ZNF341: variants seen among roughly 807,000 people sequenced by gnomAD.
ZNF341 encodes the protein zinc finger protein 341.
Under a neutral mutation model 87.7 loss-of-function variants are expected in ZNF341, and 52 were observed. The observed-to-expected ratio is 0.59, with a 90% CI of 0.47 to 0.75. The LOEUF (loss-of-function observed/expected upper bound fraction) is 0.75, where lower values mean the gene tolerates loss of function less well. ZNF341 is among the 30% of genes least tolerant of loss of function. ZNF341 has a pLI of 0.00. For missense variants in ZNF341, 977 were observed against 1,145.9 expected (o/e 0.85, Z 2.13); for synonymous variants, 459 against 472.7 (o/e 0.97, Z 0.38).
rs761836057 is a variant in ZNF341, at chr20:33,766,846, C to T, written c.1223-5C>T. On this transcript the variant is annotated splice_polypyrimidine_tract_variant and splice_region_variant and intron_variant, in intron 8 of 14. Transcript: ENST00000375200. ...TTGTCCTGACTTCCCTGGCTTTCTC[C>T]ACAGGGTTGGGCCAGCCCCTGCCGG... 12 of 1,599,942 alleles carry T rather than the reference C, an allele frequency of 7.5e-6. No homozygotes were observed. The highest frequency in any genetic ancestry group is 9.4e-6 in the Non-Finnish European group (11 of 1,171,938).
chr20:33,745,886 A>C (rs984863503), intron 3 of ZNF341, among the ~76,000 whole-genome samples: 2 of 148,926 alleles, frequency 1.3e-5, no homozygotes, highest in Admixed American at 1.3e-4. Flanking sequence ...AGGTGCTAGG[A>C]GAGGCAGCAG....
chr20:33,777,064 A>G (rs2019641300), intron 10 of ZNF341, among the ~76,000 whole-genome samples: 1 of 150,800 alleles, frequency 6.6e-6, no homozygotes, highest in Admixed American at 6.7e-5. Context: ...CTGTAATCCC[A>G]GCACTTTGGG....
At chr20:33,777,354 G>C (rs1325473114) in intron 10 of ZNF341, among the ~76,000 whole-genome samples, 2 of 143,960 alleles carry the variant, frequency 1.4e-5, no homozygotes, top group Non-Finnish European at 3.0e-5. Flanking sequence ...AAAAAATCAG[G>C]CCAGGTGCGG....
At chr20:33,737,257 T>C (rs1022507729) in intron 1 of ZNF341, among the ~76,000 whole-genome samples, 5 of 152,252 alleles carry the variant, frequency 3.3e-5, no homozygotes, top group Non-Finnish European at 5.9e-5. Context: ...AATTGTGTTA[T>C]TACTCAAATC....
At chr20:33,748,713 T>A (rs764590514) in intron 3 of ZNF341, among the ~76,000 whole-genome samples, 8 of 151,922 alleles carry the variant, frequency 5.3e-5, no homozygotes, top group Non-Finnish European at 1.0e-4. Flanking sequence ...CACAGAGAGG[T>A]AGAGTGACTT....
At chr20:33,747,983 C>G (rs905403744) in intron 3 of ZNF341, among the ~76,000 whole-genome samples, 1 of 151,974 alleles carries the variant, frequency 6.6e-6, no homozygotes, top group Non-Finnish European at 1.5e-5. Context: ...CATGAGCCAC[C>G]GTGCCACACC....
intron 2 of ZNF341, among the ~76,000 whole-genome samples, chr20:33,743,777 G>A (rs2018859684): frequency 1.3e-5 from 2 of 152,152 alleles, no homozygotes; most frequent in Admixed American, 1.3e-4. Context: ...AGCAATGGAT[G>A]GTGTTAACTG....
chr20:33,789,609 C>T, intron 14 of ZNF341, 21 bp downstream of exon 14: 1 of 1,613,532 alleles, frequency 6.2e-7, no homozygotes, highest in Middle Eastern at 1.7e-4. Context: ...CTTGGGCCTG[C>T]TAAGAGGGTC....
chr20:33,736,182 T>G lies in ZNF341; in HGVS notation c.31+4130T>G, dbSNP rs533517523. 4.8e-5 allele frequency among the ~76,000 whole-genome samples: 7 copies of G among 146,196 alleles called. No homozygotes were observed. In the South Asian group the frequency reaches 1.5e-3, roughly 32 times the overall value. On this transcript the variant is annotated intron_variant, in intron 1 of 14. Transcript: ENST00000375200. ...AGTTCAGATGTTCTTCTGAACCATT[T>G]CCTACACCCTCTATCTCCTCTACTA...
intron 8 of ZNF341, among the ~76,000 whole-genome samples, chr20:33,764,646 C>T (rs1173847113): frequency 7.6e-6 from 1 of 130,970 alleles, no homozygotes; most frequent in Non-Finnish European, 1.6e-5. Context: ...GATCTTGGCT[C>T]AATGCAACCT....
chr20:33,761,486 A>G (rs183522070), intron 7 of ZNF341, among the ~76,000 whole-genome samples: 1 of 152,110 alleles, frequency 6.6e-6, no homozygotes, highest in Non-Finnish European at 1.5e-5. Flanking sequence ...CTGGTCTCGA[A>G]CTCCTGACCT....
intron 7 of ZNF341, among the ~76,000 whole-genome samples, chr20:33,760,316 T>A (rs576574527): frequency 2.9e-4 from 44 of 152,028 alleles, no homozygotes; most frequent in African/African-American, 9.2e-4. Context: ...GACAGGAGAA[T>A]CCCTTGAACC....
intron 7 of ZNF341, among the ~76,000 whole-genome samples, chr20:33,761,489 C>G (rs1348573694): frequency 6.6e-6 from 1 of 152,182 alleles, no homozygotes; most frequent in African/African-American, 2.4e-5. Context: ...GTCTCGAACT[C>G]CTGACCTCAA....
At chr20:33,764,704 T>C (rs1340185970) in intron 8 of ZNF341, among the ~76,000 whole-genome samples, 1 of 149,946 alleles carries the variant, frequency 6.7e-6, no homozygotes, top group African/African-American at 2.4e-5. Flanking sequence ...TATTTTAACA[T>C]ATAATATAAA....
chr20:33,748,305 C>T (rs900929425), intron 3 of ZNF341, among the ~76,000 whole-genome samples: 2 of 151,098 alleles, frequency 1.3e-5, no homozygotes, highest in African/African-American at 4.9e-5. Flanking sequence ...CTCTTGACCT[C>T]GTGATCTGCC....
chr20:33,751,342 A>G (rs1273314659), intron 4 of ZNF341, among the ~76,000 whole-genome samples: 2 of 152,096 alleles, frequency 1.3e-5, no homozygotes, highest in African/African-American at 4.8e-5. Context: ...AGGTAGTTGT[A>G]CTCATGGCTG....
intron 7 of ZNF341, among the ~76,000 whole-genome samples, chr20:33,759,741 G>A (rs988946513): frequency 3.9e-5 from 6 of 152,030 alleles, no homozygotes; most frequent in African/African-American, 1.5e-4. Context: ...ATACATGCTC[G>A]TCTCTTATAA....
chr20:33,789,001 G>T (rs372914230), intron 13 of ZNF341, 27 bp downstream of exon 13: 293 of 1,582,128 alleles, frequency 1.9e-4, no homozygotes, highest in Non-Finnish European at 2.3e-4. Flanking sequence ...ATGCAGGGGG[G>T]TGGGTAGCGG....
chr20:33,743,996 G>A (rs2018864064), intron 2 of ZNF341, among the ~76,000 whole-genome samples: 1 of 152,158 alleles, frequency 6.6e-6, no homozygotes, highest in African/African-American at 2.4e-5. Flanking sequence ...AAAACTTCCT[G>A]GAGAGGTCGG....
Sources: allele counts gnomAD v4.1 joint callset (sites outside exome capture counted in the v4.1 genomes callset), GRCh38; gene constraint gnomAD v4.1.1; transcripts MANE v1.5; gene names NCBI Gene and HGNC (gene_info 2026-07-23, HGNC 2026-07-21).